Variants in EYS observed in about 807,000 individuals in gnomAD.
The protein encoded by EYS is protein eyes shut homolog.
In EYS, 250 loss-of-function variants were observed where a neutral mutation model predicts 282.1. That is an observed-to-expected ratio of 0.89 (90% CI 0.80 to 0.98). The LOEUF is 0.98. Among genes scored for constraint, EYS ranks in the 50% least tolerant of loss-of-function variants. The pLI, the probability that EYS is intolerant of heterozygous loss-of-function variation, is 0.00. For synonymous variants in EYS, 1,355 were observed against 1,282.9 expected (o/e 1.06, Z -1.20); for missense variants, 4,016 against 3,709.0 (o/e 1.08, Z -2.15).
At chr6:64,205,420 C>T (rs749421895) in intron 31 of EYS, among the ~76,000 whole-genome samples, 26 of 152,030 alleles carry the variant, frequency 1.7e-4, no homozygotes, top group Non-Finnish European at 2.9e-4. Context: ...ACGATAATGA[C>T]CTGATGGATT....
At chr6:63,753,468 A>C (rs1319650633) in intron 41 of EYS, among the ~76,000 whole-genome samples, 1 of 152,156 alleles carries the variant, frequency 6.6e-6, no homozygotes, top group Non-Finnish European at 1.5e-5. Context: ...ATTTTAAAAA[A>C]AATCTTCTGT....
At chr6:64,829,128 G>A (rs1765142653) in intron 19 of EYS, among the ~76,000 whole-genome samples, 2 of 151,964 alleles carry the variant, frequency 1.3e-5, no homozygotes, top group Admixed American at 1.3e-4. Flanking sequence ...GGAAATATGA[G>A]AAAGAAGCAT....
chr6:65,295,652 T>C, intron 12 of EYS: 1 of 552,936 alleles, frequency 1.8e-6, no homozygotes, highest in East Asian at 3.1e-5. Flanking sequence ...CTTATTTGCA[T>C]GAGCAAGGCT....
At chr6:65,563,141 A>G (rs1319223831) in intron 2 of EYS, among the ~76,000 whole-genome samples, 3 of 152,124 alleles carry the variant, frequency 2.0e-5, no homozygotes, top group Admixed American at 6.6e-5. Flanking sequence ...TCAAACAATT[A>G]TATAACAAGC....
chr6:65,395,469 G>A (rs184711881), intron 7 of EYS, among the ~76,000 whole-genome samples: 10 of 152,258 alleles, frequency 6.6e-5, no homozygotes, highest in Middle Eastern at 6.8e-3. Flanking sequence ...ATATTATATA[G>A]TGTGAAATGA....
At chr6:64,506,868 C>G (rs919380319) in intron 26 of EYS, among the ~76,000 whole-genome samples, 2 of 137,662 alleles carry the variant, frequency 1.5e-5, no homozygotes, top group African/African-American at 5.6e-5. Flanking sequence ...AAGATCGCGC[C>G]GCTGCACTCC....
intron 35 of EYS, among the ~76,000 whole-genome samples, chr6:63,879,431 C>T (rs532558261): frequency 1.3e-5 from 2 of 152,114 alleles, no homozygotes; most frequent in Admixed American, 6.6e-5. Context: ...AACTTTGACT[C>T]AAATACCTTA....
chr6:64,108,193 T>C (rs966151172), intron 31 of EYS, among the ~76,000 whole-genome samples: 2 of 152,130 alleles, frequency 1.3e-5, no homozygotes, highest in Admixed American at 6.6e-5. Context: ...GACCCTCCTA[T>C]GTTTGTGTCC....
At chr6:64,502,999 C>G (rs993996575) in intron 26 of EYS, among the ~76,000 whole-genome samples, 3 of 152,186 alleles carry the variant, frequency 2.0e-5, no homozygotes, top group African/African-American at 7.2e-5. Flanking sequence ...CTTCCTTCCT[C>G]TTGCCAAATA....
intron 34 of EYS, among the ~76,000 whole-genome samples, chr6:63,994,684 T>A (rs767775418): frequency 4.6e-5 from 7 of 152,062 alleles, no homozygotes; most frequent in Middle Eastern, 6.8e-3. Flanking sequence ...CTACTCATCA[T>A]CAAGAATCAA....
At chr6:65,422,154 C>T (rs553544479) in intron 5 of EYS, among the ~76,000 whole-genome samples, 1 of 151,996 alleles carries the variant, frequency 6.6e-6, no homozygotes, top group South Asian at 2.1e-4. Flanking sequence ...GTATTTTATG[C>T]TTATAGCATA....
intron 22 of EYS, among the ~76,000 whole-genome samples, chr6:64,715,051 G>T (rs1466586346): frequency 6.6e-6 from 1 of 151,500 alleles, no homozygotes; most frequent in Non-Finnish European, 1.5e-5. Context: ...TTTGGCACCA[G>T]GGACCAGATC....
At chr6:65,373,940 A>C (rs1183566748) in intron 8 of EYS, among the ~76,000 whole-genome samples, 1 of 152,194 alleles carries the variant, frequency 6.6e-6, no homozygotes, top group Non-Finnish European at 1.5e-5. Context: ...GATACATGTG[A>C]ACATACTGTC....
chr6:64,902,011 T>C (rs1439706735), intron 18 of EYS, 102 bp downstream of exon 18: 22 of 730,976 alleles, frequency 3.0e-5, no homozygotes, highest in Non-Finnish European at 4.5e-5. Flanking sequence ...AATGTATCAG[T>C]GGTGATCAGC....
chr6:64,314,143 C>A (rs1362268803), intron 29 of EYS, among the ~76,000 whole-genome samples: 1 of 127,442 alleles, frequency 7.8e-6, no homozygotes, highest in African/African-American at 3.0e-5. Context: ...CAGAGACACA[C>A]ACAGGCTCAA....
At chr6:64,584,108 G>T (rs1766155517) in intron 26 of EYS, among the ~76,000 whole-genome samples, 2 of 151,628 alleles carry the variant, frequency 1.3e-5, no homozygotes, top group African/African-American at 4.8e-5. Context: ...TATGCTTTTT[G>T]AAATATTCTT....
chr6:64,594,839 A>G (rs1267641189), intron 24 of EYS, among the ~76,000 whole-genome samples: 1 of 151,704 alleles, frequency 6.6e-6, no homozygotes, highest in African/African-American at 2.4e-5. Flanking sequence ...TTAAAGTATA[A>G]TAATAATAAA....
intron 36 of EYS, among the ~76,000 whole-genome samples, chr6:63,825,641 G>A (rs554915242): frequency 2.0e-5 from 3 of 152,264 alleles, no homozygotes; most frequent in African/African-American, 7.2e-5. Context: ...CCAGAAGAGA[G>A]ACAATAATCA....
chr6:65,196,461 T>A (rs1412840260), intron 12 of EYS, among the ~76,000 whole-genome samples: 5 of 152,082 alleles, frequency 3.3e-5, no homozygotes, highest in African/African-American at 1.2e-4. Context: ...ACTCAACAAA[T>A]CTTCATCAAA....
Sources: gnomAD v4.1 joint callset for allele counts (sites outside exome capture counted in the v4.1 genomes callset) on GRCh38, gnomAD v4.1.1 for gene constraint, MANE v1.5 for transcripts, NCBI Gene and HGNC (gene_info 2026-07-23, HGNC 2026-07-21) for gene names.